Variants in PRAG1 observed in about 807,000 individuals in gnomAD.
PRAG1 encodes PEAK1 related, kinase-activating pseudokinase 1.
A neutral mutation model predicts 95.6 loss-of-function variants in PRAG1; 110 were observed. That is an observed-to-expected ratio of 1.15 (90% confidence interval 0.99 to 1.35). The LOEUF (loss-of-function observed/expected upper bound fraction) is 1.35. PRAG1 is among the 40% of genes most tolerant of loss of function. PRAG1 has a pLI of 0.00. For synonymous variants in PRAG1, 1,052 were observed against 819.4 expected (o/e 1.28, Z -4.85); for missense variants, 2,554 against 1,864.7 (o/e 1.37, Z -6.81).
intron 5 of PRAG1, among the ~76,000 whole-genome samples, chr8:8,325,198 C>T (rs1798595110): frequency 6.6e-6 from 1 of 152,186 alleles, no homozygotes; most frequent in East Asian, 1.9e-4. Flanking sequence ...AACAGCTGCC[C>T]GTGCGAAATG....
intron 3 of PRAG1, among the ~76,000 whole-genome samples, chr8:8,350,347 G>A (rs1799481873): frequency 6.6e-6 from 1 of 152,150 alleles, no homozygotes; most frequent in African/African-American, 2.4e-5. Context: ...CATCACCCCT[G>A]TACACTACAC....
At position 8,352,429 on chromosome 8, in the gene PRAG1, C is replaced by T. The variant is rs140737304; in HGVS notation, c.2163-12794G>A. Among the ~76,000 whole-genome samples, 41 of 152,336 alleles carry T rather than the reference C, an allele frequency of 2.7e-4. No individual in the cohort carries two copies. The East Asian group carries it at 4.1e-3, about 15-fold the overall frequency. ...AAGTCCACAACTATGCAGGTTGGGG[C>T]CACAGTTAATTCATACTACCTCTCA... On this transcript the variant is annotated intron_variant, in intron 3 of 5. Coordinates refer to ENST00000615670, the MANE Select transcript of PRAG1 (RefSeq NM_001080826.3).
chr8:8,364,973 G>A (rs979125332), intron 3 of PRAG1, among the ~76,000 whole-genome samples: 5 of 152,102 alleles, frequency 3.3e-5, no homozygotes, highest in South Asian at 2.1e-4. Context: ...CTTGTTTCAC[G>A]TCTTGAAGAT....
intron 1 of PRAG1, among the ~76,000 whole-genome samples, chr8:8,383,565 G>C (rs565696752): frequency 7.2e-5 from 11 of 152,120 alleles, no homozygotes; most frequent in African/African-American, 2.7e-4. Context: ...TGGGTGACTA[G>C]AGTGAGACCC....
At position 8,318,789 on chromosome 8, in the gene PRAG1, C is replaced by T; in HGVS notation, c.3586G>A (p.Ala1196Thr). Residue 1196 changes from alanine to threonine, a missense_variant, in exon 6 of 6, where the codon GCC becomes ACC. Coordinates refer to ENST00000615670, the MANE Select transcript of PRAG1 (RefSeq NM_001080826.3). This position sits in a 1 kb window ranked among gnomAD's most constrained non-coding sequence, Gnocchi z 4.2. ...PPAGGTLSPA[A>T]GPASPEGPRE... ...GGCCCTTCCGGGGAGGCGGGGCCGG[C>T]TGCGGGGCTGAGAGTGCCACCAGCA... 1 of 1,475,948 alleles carries T rather than the reference C, an allele frequency of 6.8e-7. No individual in the cohort carries two copies. The highest frequency in any genetic ancestry group is 9.0e-7 in the Non-Finnish European group (1 of 1,107,162). 91.4% of individuals were successfully genotyped at this position (1,475,948 alleles called of 1,614,324 possible).
At chr8:8,347,234 C>T (rs1000867717) in intron 3 of PRAG1, among the ~76,000 whole-genome samples, 12 of 152,210 alleles carry the variant, frequency 7.9e-5, no homozygotes, top group Non-Finnish European at 2.9e-5. Flanking sequence ...ACAGTGACTT[C>T]AGGTTCCCAA....
rs779465342 is a variant in PRAG1 at position 8,318,955 on chromosome 8, C to T, written c.3420G>A (p.Gly1140=). The change falls in exon 6 of 6, where the codon GGG becomes GGA. Residue 1140 remains glycine (G), a synonymous_variant. Transcript: ENST00000615670. This position sits in a 1 kb window ranked among gnomAD's most constrained non-coding sequence, Gnocchi z 4.2. ...CCAGGCACAGGTCCCGGTGGATGAT[C>T]CCGTGCTCCTTCAGGTGCTCCAGCC... ...CNGLEHLKEH[G]IIHRDLCLEN... The T allele has an allele frequency of 3.1e-6, 5 of 1,613,016 alleles. No individual in the cohort carries two copies. Among genetic ancestry groups the T allele is most frequent in the Non-Finnish European group, 3.4e-6 (4 of 1,179,662 alleles).
chr8:8,349,974 A>T (rs190420976), intron 3 of PRAG1, among the ~76,000 whole-genome samples: 1 of 151,928 alleles, frequency 6.6e-6, no homozygotes, highest in Admixed American at 6.6e-5. Context: ...CCACACAAAC[A>T]CACATACATG....
At chr8:8,374,058 G>A (rs1585273259) in intron 3 of PRAG1, among the ~76,000 whole-genome samples, 1 of 152,230 alleles carries the variant, frequency 6.6e-6, no homozygotes, top group Non-Finnish European at 1.5e-5. Context: ...GGGTGTGGGT[G>A]TCATTGCACA....
chr8:8,357,417 G>A (rs1422248830), intron 3 of PRAG1, among the ~76,000 whole-genome samples: 2 of 151,854 alleles, frequency 1.3e-5, no homozygotes, highest in Non-Finnish European at 2.9e-5. Flanking sequence ...AACCCACAAG[G>A]GCCAGTAAGC....
chr8:8,318,441 G>T lies in PRAG1; in HGVS notation c.3934C>A (p.Pro1312Thr), dbSNP rs772190910. 6.2e-7 allele frequency: 1 copy of T among 1,612,570 alleles called. No individual in the cohort carries two copies. Among genetic ancestry groups the T allele is most frequent in the Admixed American group, 1.7e-5 (1 of 59,996 alleles). Residue 1312 changes from proline to threonine, a missense_variant, in exon 6 of 6, where the codon CCC (proline) becomes ACC (threonine). By Grantham distance (38) the Pro-to-Thr change is conservative. Coordinates refer to ENST00000615670, the MANE Select transcript of PRAG1 (RefSeq NM_001080826.3). The surrounding 1 kb of genome is among the most constrained non-coding windows in gnomAD (Gnocchi z 4.2). ...QLAHLLLEADPIKRIRIGEAK... is the reference protein window; with the variant it reads ...QLAHLLLEADTIKRIRIGEAK... ...TCGCCGATGCGGATACGCTTGATGG[G>T]GTCGGCCTCCAGTAGCAGATGTGCC...
intron 4 of PRAG1, among the ~76,000 whole-genome samples, chr8:8,333,594 G>A (rs1000143066): frequency 6.6e-6 from 1 of 152,196 alleles, no homozygotes; most frequent in African/African-American, 2.4e-5. Flanking sequence ...CCTTATTATA[G>A]AGTCCTCTCT....
intron 3 of PRAG1, among the ~76,000 whole-genome samples, chr8:8,363,556 T>G (rs980873163): frequency 2.0e-5 from 3 of 152,182 alleles, no homozygotes; most frequent in African/African-American, 7.2e-5. Context: ...TCCCAGAGGC[T>G]AAGGGAAGGG....
intron 1 of PRAG1, among the ~76,000 whole-genome samples, chr8:8,385,862 T>C (rs1272859103): frequency 2.0e-5 from 3 of 151,974 alleles, no homozygotes; most frequent in African/African-American, 7.2e-5. Context: ...GCCCCGCTGC[T>C]GCATACCCTG....
chr8:8,365,978 AAAAC>A (rs545077275), intron 3 of PRAG1, among the ~76,000 whole-genome samples: 2,344 of 152,046 alleles, frequency 0.015, 46 homozygotes, highest in African/African-American at 0.052. Flanking sequence ...ACCCTGTCTC[AAAAC>A]AAACAAACAA....
chr8:8,354,392 AT>A (rs1384993618), intron 3 of PRAG1, among the ~76,000 whole-genome samples: 3 of 151,532 alleles, frequency 2.0e-5, no homozygotes, highest in Non-Finnish European at 4.4e-5. Flanking sequence ...AAAAAAAAAA[AT>A]AATAATAAAG....
rs769058915 is a variant in PRAG1 at position 8,377,439 on chromosome 8, C to A, written c.970G>T (p.Gly324Cys). 2.1e-5 allele frequency: 32 copies of A among 1,556,900 alleles called. No individual in the cohort carries two copies. Among genetic ancestry groups the A allele is most frequent in the Non-Finnish European group, 2.7e-5 (31 of 1,152,340 alleles). Residue 324 changes from glycine to cysteine, a missense_variant, in exon 3 of 6, where the codon GGC becomes TGC. Transcript: ENST00000615670. Reference protein sequence around the residue: ...QGPTAHPSCLGPKKLSLTSEA... With the variant: ...QGPTAHPSCLCPKKLSLTSEA... Reference sequence around the variant, plus strand: ...GAGGTGAGGGACAGTTTCTTGGGGCCCAGGCAGGATGGGTGGGCAGTGGGG... The same window carrying A: ...GAGGTGAGGGACAGTTTCTTGGGGCACAGGCAGGATGGGTGGGCAGTGGGG...
Position 8,376,454 on chromosome 8 carries a change from T to G in PRAG1, c.1955A>C (p.His652Pro), listed in dbSNP as rs776895665. Residue 652 changes from histidine (H) to proline (P), a missense_variant, in exon 3 of 6, where the codon CAC becomes CCC. His to Pro is a moderately conservative substitution (Grantham distance 77). Transcript: ENST00000615670. ...EEEVEQELLS[H>P]SWGRETKNGP... ...ATTTTTGGTCTCTCTTCCCCAGCTG[T>G]GACTCAGCAATTCCTGCTCCACCTC... 2.5e-6 allele frequency: 4 copies of G among 1,614,092 alleles called. No homozygotes were observed. The highest frequency in any genetic ancestry group is 2.5e-6 in the Non-Finnish European group (3 of 1,180,000).
At chr8:8,323,802 T>A (rs891671027) in intron 5 of PRAG1, among the ~76,000 whole-genome samples, 1 of 152,170 alleles carries the variant, frequency 6.6e-6, no homozygotes, top group Non-Finnish European at 1.5e-5. Flanking sequence ...TTTATTAGCA[T>A]CGTGAGAACT....
Sources: gnomAD v4.1 joint callset for allele counts (sites outside exome capture counted in the v4.1 genomes callset) on GRCh38, gnomAD v4.1.1 for gene constraint, Gnocchi (gnomAD v3.1) non-coding constraint, MANE v1.5 for transcripts, NCBI Gene and HGNC (gene_info 2026-07-23, HGNC 2026-07-21) for gene names.